PSG5: variants seen among roughly 807,000 people sequenced by gnomAD.
PSG5 encodes the protein pregnancy specific beta-1-glycoprotein 5.
A neutral mutation model predicts 37.7 loss-of-function variants in PSG5; 53 were observed. The observed-to-expected ratio is 1.41, with a 90% CI of 1.13 to 1.77. The LOEUF (loss-of-function observed/expected upper bound fraction) is 1.77, where lower values mean the gene tolerates loss of function less well. Among genes scored for constraint, PSG5 ranks in the 40% most tolerant of loss-of-function variants. The pLI is 0.00. For synonymous variants in PSG5, 221 were observed against 155.4 expected, an observed-to-expected ratio of 1.42 and a Z score of -3.14; for missense variants, 547 against 405.2, an observed-to-expected ratio of 1.35 and a Z score of -3.00.
intron 2 of PSG5, among the ~76,000 whole-genome samples, chr19:43,177,370 A>C: frequency 6.6e-6 from 1 of 151,504 alleles, no homozygotes. Flanking sequence ...TTGATTCTGA[A>C]ATATTTGTCA....
intron 5 of PSG5, among the ~76,000 whole-genome samples, chr19:43,169,027 C>G (rs1236068805): frequency 1.3e-5 from 2 of 151,632 alleles, no homozygotes; most frequent in African/African-American, 2.4e-5. Flanking sequence ...GCCTTGGTCC[C>G]TCTCCAGACC....
At position 43,175,885 on chromosome 19, in the gene PSG5, T is replaced by A. The variant is rs1135901; in HGVS notation, c.694A>T (p.Thr232Ser). 379,176 of 1,611,046 alleles carry A rather than the reference T, an allele frequency of 0.24. 53,116 individuals are homozygous for A. The highest frequency in any genetic ancestry group is 0.27 in the Non-Finnish European group (315,120 of 1,178,104). ...RDGGMRSDPV[T>S]LNVLYGPDLP... The stretch of plus-strand genomic sequence containing the variant: ...AGATACTCACAGAGGACATTCAGGG[T>A]GACTGGGTCACTGCGCATGCCACCA... The change falls in exon 3 of 6, where the codon ACC becomes TCC. Residue 232 changes from threonine to serine, a missense_variant. Physicochemically the swap from Thr to Ser is moderately conservative, Grantham distance 58. Transcript: ENST00000342951.
At chr19:43,176,481 C>T (rs1969014888) in intron 2 of PSG5, among the ~76,000 whole-genome samples, 1 of 151,546 alleles carries the variant, frequency 6.6e-6, no homozygotes, top group Admixed American at 6.6e-5. Context: ...ACCCTGGGTT[C>T]CTTACCTGGA....
rs1969003536 is a variant in PSG5 at position 43,176,051 on chromosome 19, G to C, written c.528C>G (p.Tyr176Ter). ...GACCATTTAGCCACCAAATGTAGGT[G>C]TAGTTCTCACTCTTAGGTTCACAGG... ...AFTCEPKSEN[Y>*]TYIWWLNGQS... Residue 176 changes from tyrosine (Y) to a stop codon, truncating the protein, a stop_gained, in exon 3 of 6, where the codon TAC becomes TAG. Transcript: ENST00000342951. LOFTEE classifies it high-confidence loss of function. The C allele has an allele frequency of 6.2e-7, 1 of 1,611,018 alleles. No individual in the cohort carries two copies. The highest frequency in any genetic ancestry group is 1.1e-5 in the South Asian group (1 of 90,984).
intron 4 of PSG5, among the ~76,000 whole-genome samples, chr19:43,171,810 T>TA (rs1968910759): frequency 6.6e-6 from 1 of 150,722 alleles, no homozygotes; most frequent in Non-Finnish European, 1.5e-5. Flanking sequence ...TCTACAAAAA[T>TA]ATAAAAAACC....
chr19:43,182,151 C>T (rs1005833777), intron 2 of PSG5, among the ~76,000 whole-genome samples: 1 of 151,694 alleles, frequency 6.6e-6, no homozygotes, highest in East Asian at 1.9e-4. Context: ...GCAAGAATCA[C>T]AAAACTTCCT....
intron 2 of PSG5, among the ~76,000 whole-genome samples, chr19:43,179,803 C>CA (rs1466659758): frequency 7.3e-5 from 11 of 151,664 alleles, no homozygotes; most frequent in Admixed American, 2.0e-4. Context: ...AAAGATAGAG[C>CA]AGAGTCCAAG....
chr19:43,186,193 A>G, intron 1 of PSG5, 149 bp downstream of exon 1: 1 of 1,378,496 alleles, frequency 7.3e-7, no homozygotes, highest in Non-Finnish European at 9.9e-7. Flanking sequence ...GGCAGGACTG[A>G]CCTTGAACTC....
intron 4 of PSG5, among the ~76,000 whole-genome samples, chr19:43,172,741 T>C (rs567306905): frequency 1.2e-4 from 18 of 151,750 alleles, no homozygotes; most frequent in African/African-American, 4.4e-4. Context: ...AAGACATCAA[T>C]AAATTGAAAG....
chr19:43,184,257 G>A (rs966600169), intron 2 of PSG5, among the ~76,000 whole-genome samples: 41 of 151,842 alleles, frequency 2.7e-4, no homozygotes, highest in African/African-American at 6.3e-4. Context: ...TGGCTGGTGA[G>A]CAGCTCCAGG....
chr19:43,181,244 A>G (rs1969121937), intron 2 of PSG5, among the ~76,000 whole-genome samples: 1 of 151,652 alleles, frequency 6.6e-6, no homozygotes, highest in Admixed American at 6.6e-5. Context: ...CAGCCTTTGC[A>G]GTTGTCCACA....
At chr19:43,177,766 G>C (rs573084241) in intron 2 of PSG5, among the ~76,000 whole-genome samples, 3 of 151,438 alleles carry the variant, frequency 2.0e-5, no homozygotes, top group African/African-American at 7.3e-5. Context: ...AATGTTACTG[G>C]GATTCTGGTA....
At chr19:43,171,221 A>T (rs1006769548) in intron 4 of PSG5, 4 of 151,608 alleles carry the variant, frequency 2.6e-5, no homozygotes, top group African/African-American at 9.7e-5. Flanking sequence ...ATTTGACCTC[A>T]AGGCTAATGA....
intron 4 of PSG5, among the ~76,000 whole-genome samples, chr19:43,172,830 A>C (rs4028469): frequency 0.68 from 102,402 of 151,174 alleles, 36,004 homozygotes; most frequent in East Asian, 0.99. Flanking sequence ...AGATTCAATA[A>C]AATTCCTGTC....
In PSG5 at chr19:43,178,463, G is replaced by A. The variant is rs369271590; in HGVS notation, c.431-2315C>T. On this transcript the variant is annotated intron_variant, in intron 2 of 5. Transcript: ENST00000342951. ...ATAGGTGTATGAGGAAGAAATGGTGGGGGCATCCAGGCCATCTGGAGCAAA... is the reference window on the plus strand; with the variant it reads ...ATAGGTGTATGAGGAAGAAATGGTGAGGGCATCCAGGCCATCTGGAGCAAA... Among the ~76,000 whole-genome samples, 803 of 151,726 alleles carry A rather than the reference G, an allele frequency of 5.3e-3. 15 individuals are homozygous for A. Among genetic ancestry groups the A allele is most frequent in the South Asian group, 0.034 (165 of 4,810 alleles).
intron 2 of PSG5, among the ~76,000 whole-genome samples, chr19:43,181,729 A>G (rs1969132851): frequency 6.6e-6 from 1 of 151,768 alleles, no homozygotes; most frequent in Non-Finnish European, 1.5e-5. Flanking sequence ...CTGGGATTAT[A>G]GGCATGAGCC....
intron 4 of PSG5, 82 bp downstream of exon 4, chr19:43,175,133 A>G: frequency 6.2e-7 from 1 of 1,609,602 alleles, no homozygotes; most frequent in Non-Finnish European, 8.5e-7. Context: ...GCTGGGAATA[A>G]AAATGTTTTC....
At chr19:43,173,126 G>C (rs1293377751) in intron 4 of PSG5, among the ~76,000 whole-genome samples, 2 of 151,590 alleles carry the variant, frequency 1.3e-5, no homozygotes, top group South Asian at 2.1e-4. Context: ...AATGGGGAAC[G>C]GACAGTGTTC....
chr19:43,174,415 T>G (rs1968962454), intron 4 of PSG5: 1 of 845,150 alleles, frequency 1.2e-6, no homozygotes, highest in Non-Finnish European at 1.4e-6. Flanking sequence ...ACTGCCCCTT[T>G]CCTGCCATGC....
Sources: gnomAD v4.1 joint callset for allele counts (sites outside exome capture counted in the v4.1 genomes callset) on GRCh38, gnomAD v4.1.1 for gene constraint, MANE v1.5 for transcripts, NCBI Gene and HGNC (gene_info 2026-07-23, HGNC 2026-07-21) for gene names.